DHX9: variants seen among roughly 807,000 people sequenced by gnomAD.
DHX9 encodes DExH-box helicase 9.
Under a neutral mutation model 148.7 loss-of-function variants are expected in DHX9, and 27 were observed. The observed-to-expected ratio is 0.18, with a 90% confidence interval of 0.13 to 0.25. The LOEUF is 0.25. Ranked by LOEUF, DHX9 falls within the 10% of genes least tolerant of loss-of-function variation. DHX9 has a pLI of 1.00. For synonymous variants in DHX9, 529 were observed against 516.6 expected (o/e 1.02, Z -0.33); for missense variants, 796 against 1,559.6 (o/e 0.51, Z 8.25).
At chr1:182,885,552 A>G (rs544709272) in intron 27 of DHX9, among the ~76,000 whole-genome samples, 6 of 152,350 alleles carry the variant, frequency 3.9e-5, no homozygotes, top group African/African-American at 4.8e-5. Context: ...TAGTAATACT[A>G]TAATATACTA....
intron 16 of DHX9, 57 bp from the exon 17 acceptor site, chr1:182,875,993 G>GACAA: frequency 7.3e-7 from 1 of 1,378,920 alleles, no homozygotes; most frequent in East Asian, 2.3e-5. Context: ...AAATCTAGAA[G>GACAA]ACTTACCTCA....
intron 15 of DHX9, among the ~76,000 whole-genome samples, chr1:182,874,652 C>T (rs1281277308): frequency 1.3e-5 from 2 of 152,158 alleles, no homozygotes; most frequent in African/African-American, 2.4e-5. Context: ...AGACACCTCA[C>T]CCTCCTTCAA....
rs550964848 is a variant in DHX9 at position 182,879,091 on chromosome 1, A to G, written c.2352-159A>G. On this transcript the variant is annotated intron_variant, in intron 20 of 27. Transcript: ENST00000367549. ...TATGCAACCAGATTAAATTTTGTCA[A>G]CAGTGTGTATAGTGAACGATAAAAG... Among the ~76,000 whole-genome samples the G allele has an allele frequency of 5.1e-4, 77 of 152,390 alleles. 1 individual carries two copies. In the South Asian group the frequency reaches 0.015, roughly 30 times the overall value.
intron 3 of DHX9, among the ~76,000 whole-genome samples, chr1:182,850,557 TG>T (rs1668120693): frequency 6.7e-6 from 1 of 148,510 alleles, no homozygotes; most frequent in African/African-American, 2.5e-5. Flanking sequence ...ATTGCACCAT[TG>T]CACTCCAGCC....
chr1:182,843,563 A>T, intron 3 of DHX9, 129 bp downstream of exon 3: 5 of 1,022,630 alleles, frequency 4.9e-6, no homozygotes, highest in Non-Finnish European at 6.7e-6. Context: ...GAAATTTGGC[A>T]TCTTGTTTTG....
Position 182,843,275 on chromosome 1 carries a change from C to CTT in DHX9, c.112-6_112-5dup, listed in dbSNP as rs367956446. 674 of 1,260,978 alleles carry CTT rather than the reference C, an allele frequency of 5.3e-4. No individual in the cohort carries two copies. Among genetic ancestry groups the CTT allele is most frequent in the African/African-American group, 2.0e-3 (130 of 64,174 alleles). The allele number at this position is 1,260,978 out of a possible 1,614,324, so 78.1% of individuals were successfully genotyped here. On this transcript the variant is annotated intron_variant, in intron 2 of 27. Transcript: ENST00000367549. ...AATTACCCAGGTCAGTCTCTTAGTA[C>CTT]TTTTTTTTTTTTTTAAAGGTTCAGG...
intron 12 of DHX9, among the ~76,000 whole-genome samples, chr1:182,861,513 T>C (rs904505310): frequency 7.2e-5 from 11 of 152,210 alleles, no homozygotes; most frequent in Non-Finnish European, 1.3e-4. Context: ...TCTGCTCTTC[T>C]CTTCCCTTCC....
chr1:182,846,976 T>C lies in DHX9; in HGVS notation c.252+3542T>C, dbSNP rs140424932. 2.1e-4 allele frequency among the ~76,000 whole-genome samples: 32 copies of C among 152,276 alleles called. No individual in the cohort carries two copies. The East Asian group carries it at 6.0e-3, about 28-fold the overall frequency. On this transcript the variant is annotated intron_variant, in intron 3 of 27. Coordinates refer to ENST00000367549, the MANE Select transcript of DHX9 (RefSeq NM_001357.5). The stretch of plus-strand genomic sequence containing the variant: ...TTATCTTCAGATTCTTTGATAGTTT[T>C]TTCTGTCCCTTCCATTTTGCTAAGC...
In DHX9 at chr1:182,859,837, T is replaced by A. The variant is rs928591867; in HGVS notation, c.1141-156T>A. On this transcript the variant is annotated intron_variant, in intron 11 of 27. Coordinates refer to ENST00000367549, the MANE Select transcript of DHX9 (RefSeq NM_001357.5). ...CATGTTGGCTAGGCTGGTCTCGAAC[T>A]CCTCACCTCATGATCCTCAGCCTCC... 2.6e-5 allele frequency among the ~76,000 whole-genome samples: 4 copies of A among 152,202 alleles called. No homozygotes were observed. The East Asian group carries it at 7.7e-4, about 29-fold the overall frequency.
chr1:182,843,535 T>C (rs894456169), intron 3 of DHX9, 101 bp downstream of exon 3: 1 of 1,192,208 alleles, frequency 8.4e-7, no homozygotes, highest in African/African-American at 1.6e-5. Flanking sequence ...TGTTTTCAGA[T>C]ATATCGTGTT....
Position 182,883,388 on chromosome 1 carries a change from G to A in DHX9, c.3144+20G>A. The A allele has an allele frequency of 6.2e-7, 1 of 1,605,246 alleles. No homozygotes were observed. The highest frequency in any genetic ancestry group is 8.5e-7 in the Non-Finnish European group (1 of 1,172,780). ...GAAAAGGTAAGAAAAGACTAGAAAA[G>A]TTTACATTGAAAGTTGAAATTGTCT... On this transcript the variant is annotated intron_variant, in intron 25 of 27. Transcript: ENST00000367549.
rs1357299033 is a variant in DHX9 at position 182,874,924 on chromosome 1, T to C, written c.1785T>C (p.Asp595=). Residue 595 remains aspartate (D), a synonymous_variant, in exon 16 of 28, where the codon GAT becomes GAC. Transcript: ENST00000367549. ...VPPPKDKKKK[D]KDDDGGEDDD... The stretch of plus-strand genomic sequence containing the variant: ...CACCAAAAGACAAAAAGAAGAAGGA[T>C]AAGGATGATGATGGTGGTGAGGATG... 3 of 1,613,248 alleles carry C rather than the reference T, an allele frequency of 1.9e-6. No homozygotes were observed. The highest frequency in any genetic ancestry group is 2.2e-5 in the South Asian group (2 of 91,064).
At chr1:182,853,232 A>G (rs75306569) in intron 4 of DHX9, 74 bp from the exon 5 acceptor site, 72,227 of 1,058,460 alleles carry the variant, frequency 0.068, 3,646 homozygotes, top group African/African-American at 0.19. Flanking sequence ...GCCATAAATT[A>G]GGATAATTCT....
chr1:182,856,944 G>A (rs1254416606), intron 7 of DHX9, among the ~76,000 whole-genome samples: 1 of 152,134 alleles, frequency 6.6e-6, no homozygotes, highest in Non-Finnish European at 1.5e-5. Context: ...CCGCCTCCCA[G>A]GTTCACGCCA....
At chr1:182,846,173 A>T (rs1464594758) in intron 3 of DHX9, among the ~76,000 whole-genome samples, 1 of 151,836 alleles carries the variant, frequency 6.6e-6, no homozygotes, top group Non-Finnish European at 1.5e-5. Flanking sequence ...GAAAGTCTCC[A>T]CTTAGGAGAT....
intron 6 of DHX9, among the ~76,000 whole-genome samples, chr1:182,854,551 A>G (rs914575221): frequency 4.0e-5 from 6 of 151,876 alleles, no homozygotes; most frequent in Non-Finnish European, 5.9e-5. Flanking sequence ...GGCAGTTACT[A>G]TTTCTTTAAT....
chr1:182,871,049 A>C (rs1648534113), intron 14 of DHX9, among the ~76,000 whole-genome samples: 2 of 152,190 alleles, frequency 1.3e-5, no homozygotes. Context: ...CTAACCTTGA[A>C]ATAAAAGATC....
chr1:182,872,165 G>T (rs1442732098), intron 14 of DHX9, among the ~76,000 whole-genome samples, 172 bp from the exon 15 acceptor site: 2 of 152,132 alleles, frequency 1.3e-5, no homozygotes, highest in African/African-American at 4.8e-5. Context: ...AATTGTTATT[G>T]TTATCTTAAA....
Position 182,851,791 on chromosome 1 carries a change from G to C in DHX9, c.253-442G>C, listed in dbSNP as rs148848475. Among the ~76,000 whole-genome samples the C allele has an allele frequency of 4.3e-3, 649 of 152,180 alleles. 3 individuals are homozygous for C. The highest frequency in any genetic ancestry group is 6.0e-3 in the Non-Finnish European group (410 of 68,002). On this transcript the variant is annotated intron_variant, in intron 3 of 27. Transcript: ENST00000367549. ...CTTATAAGAGAAAAATATCTATTCC[G>C]TGATCATCTTAATAAAGGCTTTTGA... is the stretch of plus-strand genomic sequence containing the variant.
Sources: gnomAD v4.1 joint callset for allele counts (sites outside exome capture counted in the v4.1 genomes callset) on GRCh38, gnomAD v4.1.1 for gene constraint, MANE v1.5 for transcripts, NCBI Gene and HGNC (gene_info 2026-07-23, HGNC 2026-07-21) for gene names.